Variants in RAB3GAP1 observed in about 807,000 individuals in gnomAD.
The protein encoded by RAB3GAP1 is RAB3 GTPase activating protein catalytic subunit 1, also known as rab3 GTPase-activating protein catalytic subunit.
RAB3GAP1 carries 86 observed loss-of-function variants against 130.7 expected under a neutral mutation model. The observed-to-expected ratio is 0.66, with a 90% confidence interval of 0.55 to 0.79. The LOEUF (loss-of-function observed/expected upper bound fraction) is 0.79. RAB3GAP1 is among the 30% of genes least tolerant of loss of function. The pLI, the probability that RAB3GAP1 is intolerant of heterozygous loss-of-function variation, is 0.00. For synonymous variants in RAB3GAP1, 367 were observed against 401.7 expected (o/e 0.91, Z 1.03); for missense variants, 1,029 against 1,169.4 (o/e 0.88, Z 1.75).
chr2:135,174,001 C>A (rs1306926803), downstream of RAB3GAP1, among the ~76,000 whole-genome samples: 2 of 152,206 alleles, frequency 1.3e-5, no homozygotes, highest in African/African-American at 4.8e-5. Context: ...AGCCCAGGGA[C>A]TCTGCCGCTG....
intron 19 of RAB3GAP1, among the ~76,000 whole-genome samples, chr2:135,157,831 C>CA (rs58810979): frequency 0.025 from 2,131 of 86,668 alleles, 23 homozygotes; most frequent in Middle Eastern, 0.072. Flanking sequence ...GAATCCATCT[C>CA]AAAAAAAAAA....
At chr2:135,073,210 A>AT (rs1433649161) in intron 3 of RAB3GAP1, among the ~76,000 whole-genome samples, 1 of 152,154 alleles carries the variant, frequency 6.6e-6, no homozygotes, top group East Asian at 1.9e-4. Flanking sequence ...AAGCAGTGTG[A>AT]TTTTTTTCTT....
At chr2:135,137,892 T>G (rs1402596185) in intron 17 of RAB3GAP1, among the ~76,000 whole-genome samples, 1 of 151,672 alleles carries the variant, frequency 6.6e-6, no homozygotes, top group Non-Finnish European at 1.5e-5. Context: ...GTGGCATGAC[T>G]GTAGCTTACT....
At chr2:135,135,097 C>A (rs1261396976) in intron 15 of RAB3GAP1, among the ~76,000 whole-genome samples, 168 bp from the exon 16 acceptor site, 1 of 152,100 alleles carries the variant, frequency 6.6e-6, no homozygotes, top group African/African-American at 2.4e-5. Context: ...AAATTTTCAT[C>A]TTTTAATTCT....
At chr2:135,058,176 A>C in intron 3 of RAB3GAP1, 90 bp downstream of exon 3, 1 of 1,127,582 alleles carries the variant, frequency 8.9e-7, no homozygotes, top group Non-Finnish European at 1.3e-6. Flanking sequence ...CATTTGAATT[A>C]AATGTTTTTT....
intron 17 of RAB3GAP1, among the ~76,000 whole-genome samples, chr2:135,143,715 G>T (rs1221367032): frequency 6.6e-6 from 1 of 151,858 alleles, no homozygotes; most frequent in Non-Finnish European, 1.5e-5. Flanking sequence ...CCACCACCAC[G>T]CCTGGCTAAT....
intron 3 of RAB3GAP1, among the ~76,000 whole-genome samples, chr2:135,074,561 T>C (rs12328663): frequency 0.31 from 47,704 of 152,122 alleles, 11,396 homozygotes; most frequent in African/African-American, 0.65. Flanking sequence ...CAGTTGTCTC[T>C]GGGCTTGGAC....
chr2:135,104,821 G>A (rs944459496), intron 5 of RAB3GAP1, among the ~76,000 whole-genome samples: 9 of 152,114 alleles, frequency 5.9e-5, no homozygotes, highest in South Asian at 2.1e-4. Context: ...CCCAGGAGGC[G>A]GAGGCCGCAG....
At chr2:135,074,806 G>A (rs567234903) in intron 3 of RAB3GAP1, among the ~76,000 whole-genome samples, 20 of 152,320 alleles carry the variant, frequency 1.3e-4, no homozygotes, top group South Asian at 4.2e-4. Context: ...GAAAAAGCAC[G>A]AAGATACGAT....
chr2:135,157,602 A>G (rs1212164284), intron 19 of RAB3GAP1, among the ~76,000 whole-genome samples: 2 of 152,032 alleles, frequency 1.3e-5, no homozygotes, highest in Non-Finnish European at 2.9e-5. Context: ...TGAGAGGCCG[A>G]GGCAAGATCA....
rs775278136 is a variant in RAB3GAP1 at position 135,168,590 on chromosome 2, T to A, written c.2755T>A (p.Ser919Thr). ...PPEEELKRMG[S>T]PEERRQNSVS... ...AGAGGAGGAATTGAAGAGAATGGGC[T>A]CCCCAGAGGAAAGAAGGCAGAACTC... Residue 919 changes from serine to threonine, a missense_variant, in exon 24 of 24, where the codon TCC (serine) becomes ACC (threonine). Ser to Thr is a moderately conservative substitution (Grantham distance 58). Transcript: ENST00000264158. 2 of 1,614,154 alleles carry A rather than the reference T, an allele frequency of 1.2e-6. No homozygotes were observed. The highest frequency in any genetic ancestry group is 1.7e-6 in the Non-Finnish European group (2 of 1,180,030).
downstream of RAB3GAP1, chr2:135,175,629 C>T (rs1385607678): frequency 1.3e-5 from 2 of 152,192 alleles, no homozygotes; most frequent in Admixed American, 1.3e-4. Flanking sequence ...ATGAGTGGCC[C>T]GTTCCCCTGC....
Position 135,168,808 on chromosome 2 carries a change from T to G in RAB3GAP1, c.*27T>G. On this transcript the variant is annotated 3_prime_UTR_variant, in exon 24 of 24. Coordinates refer to ENST00000264158, the MANE Select transcript of RAB3GAP1 (RefSeq NM_012233.3). Reference sequence around the variant, plus strand: ...TCTTCTAGCATTACTCGTTGGTGGCTTCAGAGACAGTGCTGCCTCCTCCTG... The same window carrying G: ...TCTTCTAGCATTACTCGTTGGTGGCGTCAGAGACAGTGCTGCCTCCTCCTG... 6.3e-7 allele frequency: 1 copy of G among 1,593,620 alleles called. No homozygotes were observed. The highest frequency in any genetic ancestry group is 1.1e-5 in the South Asian group (1 of 90,616).
intron 5 of RAB3GAP1, among the ~76,000 whole-genome samples, chr2:135,098,228 T>A (rs1268935035): frequency 6.6e-6 from 1 of 152,176 alleles, no homozygotes; most frequent in African/African-American, 2.4e-5. Flanking sequence ...TTGTTTGTTT[T>A]CTTACTGTAA....
intron 3 of RAB3GAP1, among the ~76,000 whole-genome samples, chr2:135,086,740 C>T (rs548206106): frequency 7.7e-6 from 1 of 130,502 alleles, no homozygotes; most frequent in Non-Finnish European, 1.6e-5. Flanking sequence ...GTGGTACAAT[C>T]ATAGCTCACT....
At chr2:135,116,497 G>A (rs1690975321) in intron 7 of RAB3GAP1, among the ~76,000 whole-genome samples, 1 of 152,122 alleles carries the variant, frequency 6.6e-6, no homozygotes, top group Non-Finnish European at 1.5e-5. Context: ...GAACCTGACA[G>A]CTAAATGCAA....
At chr2:135,099,212 G>T (rs1690383044) in intron 5 of RAB3GAP1, among the ~76,000 whole-genome samples, 1 of 152,024 alleles carries the variant, frequency 6.6e-6, no homozygotes. Context: ...ATTCCCTTTT[G>T]TTCCTGCTTT....
intron 17 of RAB3GAP1, among the ~76,000 whole-genome samples, chr2:135,141,622 T>C (rs958323287): frequency 6.6e-6 from 1 of 152,216 alleles, no homozygotes; most frequent in Admixed American, 6.5e-5. Context: ...GTGCTTTTTG[T>C]GTTCTGCTTA....
At chr2:135,172,562 G>T (rs1019238233), downstream of RAB3GAP1, among the ~76,000 whole-genome samples, 1 of 152,182 alleles carries the variant, frequency 6.6e-6, no homozygotes, top group Non-Finnish European at 1.5e-5. Flanking sequence ...GCCATGGAGG[G>T]TAAAAGGGAT....
Sources: gnomAD v4.1 joint callset for allele counts (sites outside exome capture counted in the v4.1 genomes callset) on GRCh38, gnomAD v4.1.1 for gene constraint, MANE v1.5 for transcripts, NCBI Gene and HGNC (gene_info 2026-07-23, HGNC 2026-07-21) for gene names.